GNA14: variants seen among roughly 807,000 people sequenced by gnomAD.
GNA14 encodes the protein guanine nucleotide-binding protein subunit alpha-14.
Under a neutral mutation model 42.0 loss-of-function variants are expected in GNA14, and 50 were observed. The ratio of observed to expected loss-of-function variants is 1.19; its 90% CI spans 0.95 to 1.51. The LOEUF is 1.51. Ranked by LOEUF, GNA14 falls within the 40% of genes most tolerant of loss-of-function variation. GNA14 has a pLI of 0.00. For synonymous variants in GNA14, 173 were observed against 163.1 expected (o/e 1.06, Z -0.46); for missense variants, 473 against 446.2 (o/e 1.06, Z -0.54).
intron 3 of GNA14, chr9:77,431,689 G>A (rs570699972): frequency 5.5e-5 from 22 of 400,266 alleles, no homozygotes; most frequent in South Asian, 7.6e-5. Flanking sequence ...AGAGCACTCC[G>A]TCTCTTCCTC....
chr9:77,504,072 C>T (rs911361859), intron 2 of GNA14, among the ~76,000 whole-genome samples: 6 of 152,130 alleles, frequency 3.9e-5, no homozygotes, highest in African/African-American at 1.4e-4. Context: ...CCTATCACCT[C>T]TCTACTTATA....
chr9:77,440,482 C>A (rs1835714133), intron 2 of GNA14, among the ~76,000 whole-genome samples: 1 of 152,196 alleles, frequency 6.6e-6, no homozygotes, highest in Non-Finnish European at 1.5e-5. Flanking sequence ...AGCTAGAGTC[C>A]TTGTTCCTTT....
chr9:77,505,306 G>A (rs1837050162), intron 2 of GNA14, among the ~76,000 whole-genome samples: 1 of 152,184 alleles, frequency 6.6e-6, no homozygotes, highest in African/African-American at 2.4e-5. Flanking sequence ...ACTTGGCAAA[G>A]GCTCTTTGAA....
intron 1 of GNA14, among the ~76,000 whole-genome samples, chr9:77,571,257 CAAGT>C (rs1383263310): frequency 6.6e-6 from 1 of 152,096 alleles, no homozygotes; most frequent in African/African-American, 2.4e-5. Flanking sequence ...TATTTGAACA[CAAGT>C]AAGGCTGAGA....
chr9:77,449,936 C>T (rs1587767888), intron 2 of GNA14, among the ~76,000 whole-genome samples: 1 of 152,186 alleles, frequency 6.6e-6, no homozygotes, highest in East Asian at 1.9e-4. Flanking sequence ...CAGACCCCTA[C>T]CGCCTCCCTG....
intron 1 of GNA14, among the ~76,000 whole-genome samples, chr9:77,587,728 T>G (rs1219024412): frequency 1.3e-5 from 2 of 152,232 alleles, no homozygotes; most frequent in African/African-American, 4.8e-5. Flanking sequence ...CATAGTACTG[T>G]GAATGTACTA....
At position 77,647,561 on chromosome 9, in the gene GNA14, C is replaced by A. The variant is rs1336755066; in HGVS notation, c.124+109G>T. 3.2e-6 allele frequency: 4 copies of A among 1,258,250 alleles called. No individual in the cohort carries two copies. In the Admixed American group the frequency reaches 8.6e-5, roughly 27 times the overall value. 77.9% of individuals were successfully genotyped at this position (1,258,250 alleles called of 1,614,324 possible). ...GCTCCGAGGGGGAGAAGGACGAAGCCGCCCTGCACCCCGCTGGGCTCCAGG... is the reference window on the plus strand; with the variant it reads ...GCTCCGAGGGGGAGAAGGACGAAGCAGCCCTGCACCCCGCTGGGCTCCAGG... On this transcript the variant is annotated intron_variant, in intron 1 of 6. Coordinates refer to ENST00000341700, the MANE Select transcript of GNA14 (RefSeq NM_004297.4).
chr9:77,546,949 A>T (rs534515757), intron 1 of GNA14, among the ~76,000 whole-genome samples: 6 of 152,194 alleles, frequency 3.9e-5, no homozygotes, highest in Non-Finnish European at 8.8e-5. Flanking sequence ...CATCCTTTGC[A>T]TTCTCCAGAG....
At chr9:77,463,039 G>A (rs1251722354) in intron 2 of GNA14, among the ~76,000 whole-genome samples, 1 of 152,134 alleles carries the variant, frequency 6.6e-6, no homozygotes, top group Non-Finnish European at 1.5e-5. Flanking sequence ...AACTTGGGTT[G>A]GCAGCACAGA....
At chr9:77,499,016 G>T (rs1216655015) in intron 2 of GNA14, among the ~76,000 whole-genome samples, 1 of 152,196 alleles carries the variant, frequency 6.6e-6, no homozygotes, top group Non-Finnish European at 1.5e-5. Flanking sequence ...CCTGATATGT[G>T]GGGTGGGGAG....
intron 2 of GNA14, among the ~76,000 whole-genome samples, chr9:77,478,836 G>C (rs1333159219): frequency 4.6e-5 from 7 of 152,162 alleles, no homozygotes; most frequent in Admixed American, 3.9e-4. Flanking sequence ...TTTTTGAGAA[G>C]TGTCTGTTCA....
chr9:77,430,227 A>G (rs1399499399), intron 4 of GNA14, among the ~76,000 whole-genome samples: 1 of 152,140 alleles, frequency 6.6e-6, no homozygotes, highest in Non-Finnish European at 1.5e-5. Flanking sequence ...AGCCAGAAAT[A>G]TCCCACTGGG....
At chr9:77,600,689 G>A (rs1823543972) in intron 1 of GNA14, among the ~76,000 whole-genome samples, 1 of 152,198 alleles carries the variant, frequency 6.6e-6, no homozygotes, top group African/African-American at 2.4e-5. Context: ...AGGCCGATGT[G>A]GTTGGATCAT....
chr9:77,428,109 C>G (rs555923568), intron 5 of GNA14, among the ~76,000 whole-genome samples: 1 of 133,636 alleles, frequency 7.5e-6, no homozygotes, highest in Admixed American at 8.1e-5. Context: ...GATGGAGTCT[C>G]GCTCTGTTGC....
At chr9:77,455,768 T>A (rs1434284057) in intron 2 of GNA14, among the ~76,000 whole-genome samples, 1 of 152,230 alleles carries the variant, frequency 6.6e-6, no homozygotes, top group Non-Finnish European at 1.5e-5. Context: ...AGGAATCGCA[T>A]GAGTGAACCT....
In GNA14 at chr9:77,515,971, A is replaced by ACAAAAACAAAC. The variant is rs1837250258; in HGVS notation, c.309+13097_309+13098insGTTTGTTTTTG. Among the ~76,000 whole-genome samples, 3 of 147,206 alleles carry ACAAAAACAAAC rather than the reference A, an allele frequency of 2.0e-5. No individual in the cohort carries two copies. In the South Asian group the frequency reaches 6.5e-4, roughly 32 times the overall value. ...AAGACCCTGTCTCACAAAAAAAAAA[A>ACAAAAACAAAC]AAAAAAAAAAAACCCAGAGCAGGAA... On this transcript the variant is annotated intron_variant, in intron 2 of 6. Coordinates refer to ENST00000341700, the MANE Select transcript of GNA14 (RefSeq NM_004297.4).
intron 2 of GNA14, among the ~76,000 whole-genome samples, chr9:77,458,299 G>A (rs1248592249): frequency 6.6e-6 from 1 of 152,180 alleles, no homozygotes; most frequent in East Asian, 1.9e-4. Context: ...CTTTGAGGGG[G>A]GAAAAGAAAG....
At chr9:77,593,788 G>A (rs1823424302) in intron 1 of GNA14, among the ~76,000 whole-genome samples, 1 of 152,164 alleles carries the variant, frequency 6.6e-6, no homozygotes. Context: ...TTTCAGCTAT[G>A]CTGTCCAAGG....
At chr9:77,636,484 G>A (rs1036531521) in intron 1 of GNA14, among the ~76,000 whole-genome samples, 4 of 152,212 alleles carry the variant, frequency 2.6e-5, no homozygotes, top group Admixed American at 1.3e-4. Context: ...GAATACCTGA[G>A]GCTGGGTAAT....
Sources: allele counts gnomAD v4.1 joint callset (sites outside exome capture counted in the v4.1 genomes callset), GRCh38; gene constraint gnomAD v4.1.1; transcripts MANE v1.5; gene names NCBI Gene and HGNC (gene_info 2026-07-23, HGNC 2026-07-21).